KCNK2: variants seen among roughly 807,000 people sequenced by gnomAD.
KCNK2 encodes potassium two pore domain channel subfamily K member 2, also known as potassium channel subfamily K member 2.
KCNK2 carries 21 observed loss-of-function variants against 40.5 expected under a neutral mutation model. The ratio of observed to expected loss-of-function variants is 0.52; its 90% CI spans 0.37 to 0.75. KCNK2 has a LOEUF of 0.75. Among genes scored for constraint, KCNK2 ranks in the 30% least tolerant of loss-of-function variants. The pLI, the probability that KCNK2 is intolerant of heterozygous loss-of-function variation, is 0.00. For synonymous variants in KCNK2, 191 were observed against 202.2 expected (o/e 0.94, Z 0.47); for missense variants, 399 against 531.6 (o/e 0.75, Z 2.45).
chr1:215,027,570 A>G, intron 1 of KCNK2, among the ~76,000 whole-genome samples: 1 of 152,196 alleles, frequency 6.6e-6, no homozygotes. Flanking sequence ...ACCCAGAGTA[A>G]ACCCTACTTG....
chr1:215,217,732 C>G (rs946111888), intron 6 of KCNK2, among the ~76,000 whole-genome samples: 1 of 152,078 alleles, frequency 6.6e-6, no homozygotes, highest in African/African-American at 2.4e-5. Context: ...TTAAAATAAC[C>G]ACCTTTAGTT....
chr1:215,036,589 T>G lies in KCNK2; in HGVS notation c.34+30634T>G, dbSNP rs189796637. On this transcript the variant is annotated intron_variant, in intron 1 of 6. Coordinates refer to the KCNK2 transcript ENST00000391895. ...TTAGTGTGCCTGTTTAGATTTTGAA[T>G]TGACACGTGTTAAATCTGTAGATCA... Among the ~76,000 whole-genome samples, 8 of 152,064 alleles carry G rather than the reference T, an allele frequency of 5.3e-5. No individual in the cohort carries two copies. In the East Asian group the frequency reaches 1.5e-3, roughly 29 times the overall value.
At chr1:215,091,213 G>A (rs1375243503) in intron 2 of KCNK2, among the ~76,000 whole-genome samples, 1 of 152,144 alleles carries the variant, frequency 6.6e-6, no homozygotes, top group Non-Finnish European at 1.5e-5. Context: ...AGGGGAAGAC[G>A]AGGGGAATAG....
In KCNK2 at chr1:215,093,848, T is replaced by TATATATTATATATAAA. The variant is rs1659851854; in HGVS notation, c.357+7172_357+7187dup. 3.6e-5 allele frequency among the ~76,000 whole-genome samples: 3 copies of TATATATTATATATAAA among 84,360 alleles called. No homozygotes were observed. The Admixed American group carries it at 6.5e-4, about 18-fold the overall frequency. The allele number at this position is 84,360 out of a possible 152,430, so 55.3% of individuals were successfully genotyped here. ...ATTATATATAAAATATATTATATAT[T>TATATATTATATATAAA]ATATATTATATATAAAAATATATTA... On this transcript the variant is annotated intron_variant, in intron 2 of 6. Transcript: ENST00000444842.
At chr1:215,045,477 C>G (rs1261080528) in intron 1 of KCNK2, among the ~76,000 whole-genome samples, 1 of 152,128 alleles carries the variant, frequency 6.6e-6, no homozygotes, top group Non-Finnish European at 1.5e-5. Context: ...GAACTGTAAT[C>G]CTGCTTGTTG....
intron 3 of KCNK2, 126 bp from the exon 4 acceptor site, chr1:215,169,073 C>T (rs553861468): frequency 9.7e-4 from 606 of 626,552 alleles, no homozygotes; most frequent in Non-Finnish European, 1.3e-3. Context: ...GTAATACAAA[C>T]GTATTCTTAA....
intron 1 of KCNK2, among the ~76,000 whole-genome samples, chr1:215,070,648 C>T (rs1284202574): frequency 2.6e-5 from 4 of 151,986 alleles, no homozygotes; most frequent in African/African-American, 4.8e-5. Context: ...GATTTGACCC[C>T]GTGATTCAAT....
upstream of KCNK2, among the ~76,000 whole-genome samples, chr1:215,081,165 ATGTGTGTGTGTG>A (rs34229936): frequency 2.7e-5 from 4 of 149,266 alleles, no homozygotes; most frequent in African/African-American, 4.9e-5. Flanking sequence ...GTACACGCAA[ATGTGTGTGTGTG>A]TGTGTGTGTG....
intron 1 of KCNK2, among the ~76,000 whole-genome samples, chr1:215,011,668 C>T (rs761372871): frequency 2.7e-5 from 4 of 150,342 alleles, no homozygotes; most frequent in Admixed American, 1.3e-4. Flanking sequence ...TGCAGTGGCA[C>T]CATCTCAGCT....
Position 215,090,697 on chromosome 1 carries a change from A to C in KCNK2, c.357+4019A>C, listed in dbSNP as rs1659656676. 3.3e-5 allele frequency among the ~76,000 whole-genome samples: 5 copies of C among 152,204 alleles called. No homozygotes were observed. In the South Asian group the frequency reaches 1.0e-3, roughly 31 times the overall value. On this transcript the variant is annotated intron_variant, in intron 2 of 6. Coordinates refer to ENST00000444842, the MANE Select transcript of KCNK2 (RefSeq NM_001017425.3). ...TGAAATCTATGATCTATATATTGACAATAAAAATATCTTATAGGACATTTG... is the reference window on the plus strand; with the variant it reads ...TGAAATCTATGATCTATATATTGACCATAAAAATATCTTATAGGACATTTG...
At chr1:215,068,632 C>T (rs1658641639) in intron 1 of KCNK2, among the ~76,000 whole-genome samples, 1 of 152,178 alleles carries the variant, frequency 6.6e-6, no homozygotes, top group Admixed American at 6.5e-5. Flanking sequence ...GGTAGATTTG[C>T]ATTGGCAATT....
At chr1:215,185,610 C>A (rs189519544) in intron 5 of KCNK2, among the ~76,000 whole-genome samples, 1 of 152,202 alleles carries the variant, frequency 6.6e-6, no homozygotes, top group East Asian at 1.9e-4. Context: ...TGGGAAATAT[C>A]AATTATTTAC....
rs574078922 is a variant in KCNK2, at chr1:215,025,424, C to T, written c.34+19469C>T. On this transcript the variant is annotated intron_variant, in intron 1 of 6. Coordinates refer to the KCNK2 transcript ENST00000391895. ...CTGTTTCCTTATTTGTTCCCTATTC[C>T]CTGTCTTCATTCTCCTATATTTACC... is the stretch of plus-strand genomic sequence containing the variant. Among the ~76,000 whole-genome samples, 262 of 151,738 alleles carry T rather than the reference C, an allele frequency of 1.7e-3. 3 individuals are homozygous for T. Among genetic ancestry groups the T allele is most frequent in the African/African-American group, 5.5e-3 (228 of 41,370 alleles).
intron 1 of KCNK2, among the ~76,000 whole-genome samples, chr1:215,060,605 A>G (rs1392953175): frequency 6.6e-6 from 1 of 152,212 alleles, no homozygotes; most frequent in African/African-American, 2.4e-5. Context: ...GAGGAAGATC[A>G]GAGTAGCCGT....
At chr1:215,147,546 A>C (rs1047337033) in intron 3 of KCNK2, among the ~76,000 whole-genome samples, 6 of 152,152 alleles carry the variant, frequency 3.9e-5, no homozygotes, top group Non-Finnish European at 8.8e-5. Context: ...AAAACACGAG[A>C]TGTGGCCTGG....
At chr1:215,154,405 G>A (rs1662818730) in intron 3 of KCNK2, among the ~76,000 whole-genome samples, 1 of 150,488 alleles carries the variant, frequency 6.6e-6, no homozygotes, top group Non-Finnish European at 1.5e-5. Context: ...TTTGAGAAGT[G>A]TCTTTGCCCA....
rs2102525762 is a variant in KCNK2 at position 215,083,155 on chromosome 1, G to T, written c.-231G>T. ...CGCCTCGCCCTCTGCCCAGCCCGCC[G>T]GTGTCCCCTCCTTCCCGCGATTTCG... is the stretch of plus-strand genomic sequence containing the variant. On this transcript the variant is annotated 5_prime_UTR_variant, in exon 1 of 7. Transcript: ENST00000444842. 1.1e-6 allele frequency: 1 copy of T among 924,006 alleles called. No homozygotes were observed. Among genetic ancestry groups the T allele is most frequent in the Non-Finnish European group, 1.7e-6 (1 of 600,652 alleles). 57.2% of individuals were successfully genotyped at this position (924,006 alleles called of 1,614,324 possible).
intron 2 of KCNK2, among the ~76,000 whole-genome samples, chr1:215,097,061 G>C (rs532204776): frequency 1.3e-5 from 2 of 151,724 alleles, no homozygotes; most frequent in African/African-American, 2.4e-5. Flanking sequence ...ATAATTAATA[G>C]ATCAACCGAG....
At chr1:215,116,305 C>G (rs1660937942) in intron 2 of KCNK2, among the ~76,000 whole-genome samples, 1 of 152,002 alleles carries the variant, frequency 6.6e-6, no homozygotes, top group African/African-American at 2.4e-5. Context: ...TTGCAAAATA[C>G]TGTTTTAGGA....
Sources: allele counts gnomAD v4.1 joint callset (sites outside exome capture counted in the v4.1 genomes callset), GRCh38; gene constraint gnomAD v4.1.1; transcripts MANE v1.5; gene names NCBI Gene and HGNC (gene_info 2026-07-23, HGNC 2026-07-21).